Variants in SFSWAP observed in about 807,000 individuals in gnomAD.
SFSWAP encodes splicing factor, suppressor of white-apricot homolog.
SFSWAP carries 17 observed loss-of-function variants against 100.7 expected under a neutral mutation model. The observed-to-expected ratio is 0.17, with a 90% CI of 0.12 to 0.25. The LOEUF (loss-of-function observed/expected upper bound fraction) is 0.25. Among genes scored for constraint, SFSWAP ranks in the 10% least tolerant of loss-of-function variants. The probability of loss-of-function intolerance (pLI) is 1.00; values close to 1 mark genes in which losing one functional copy is unlikely to be tolerated. For missense variants in SFSWAP, 1,005 were observed against 1,262.6 expected (o/e 0.80, Z 3.09); for synonymous variants, 504 against 510.1 (o/e 0.99, Z 0.16).
intron 11 of SFSWAP, among the ~76,000 whole-genome samples, chr12:131,763,403 CT>C (rs1187454550): frequency 6.6e-6 from 1 of 152,182 alleles, no homozygotes; most frequent in African/African-American, 2.4e-5. Flanking sequence ...TTTTAAAATA[CT>C]GTATCTTATT....
chr12:131,772,661 T>C (rs1883712501), intron 13 of SFSWAP, among the ~76,000 whole-genome samples: 1 of 152,196 alleles, frequency 6.6e-6, no homozygotes, highest in African/African-American at 2.4e-5. Context: ...AATGCTCTTT[T>C]AGCTCTGCCA....
intron 9 of SFSWAP, 50 bp from the exon 10 acceptor site, chr12:131,755,336 C>A: frequency 7.7e-7 from 1 of 1,305,064 alleles, no homozygotes; most frequent in Non-Finnish European, 1.1e-6. Context: ...GTTGTTACTT[C>A]AGTGAGCTTG....
intron 11 of SFSWAP, among the ~76,000 whole-genome samples, chr12:131,758,837 C>T (rs1882410803): frequency 6.6e-6 from 1 of 152,220 alleles, no homozygotes; most frequent in East Asian, 1.9e-4. Flanking sequence ...GCACCAGCTC[C>T]TCACAGAGGC....
chr12:131,735,028 C>T (rs926835100), intron 7 of SFSWAP, among the ~76,000 whole-genome samples: 2 of 152,156 alleles, frequency 1.3e-5, no homozygotes, highest in African/African-American at 2.4e-5. Context: ...CACACAGTCA[C>T]AAAAGTGGGA....
In SFSWAP at chr12:131,753,363, G is replaced by T. The variant is rs753026017; in HGVS notation, c.1322G>T (p.Ser441Ile). The change falls in exon 8 of 18, where the codon AGT becomes ATT. Residue 441 changes from serine (S) to isoleucine (I), a missense_variant and splice_region_variant. Coordinates refer to ENST00000261674, the MANE Select transcript of SFSWAP (RefSeq NM_004592.4). ...SGATSTTTTTSALAPVAAIIP... is the reference protein window; with the variant it reads ...SGATSTTTTTIALAPVAAIIP... Reference sequence around the variant, plus strand: ...GCCACCTCCACAACCACCACCACAAGGTAGGTGCAGCGTCCACCGCTGCCT... The same window carrying T: ...GCCACCTCCACAACCACCACCACAATGTAGGTGCAGCGTCCACCGCTGCCT... The T allele has an allele frequency of 2.5e-6, 4 of 1,611,610 alleles. No individual in the cohort carries two copies. Among genetic ancestry groups the T allele is most frequent in the Non-Finnish European group, 3.4e-6 (4 of 1,178,136 alleles).
At chr12:131,762,376 A>T (rs773121712) in intron 11 of SFSWAP, among the ~76,000 whole-genome samples, 1 of 152,258 alleles carries the variant, frequency 6.6e-6, no homozygotes, top group African/African-American at 2.4e-5. Flanking sequence ...GCACCACTGC[A>T]CTGCAGCCTG....
intron 7 of SFSWAP, among the ~76,000 whole-genome samples, chr12:131,743,821 C>T (rs929943387): frequency 6.6e-6 from 1 of 152,254 alleles, no homozygotes; most frequent in African/African-American, 2.4e-5. Context: ...AAACTTCTGC[C>T]TGGGCATCCA....
intron 14 of SFSWAP, chr12:131,785,512 G>T (rs1884828673): frequency 6.5e-6 from 2 of 307,804 alleles, no homozygotes; most frequent in South Asian, 5.5e-5. Context: ...GGAAATAAAT[G>T]GTGTTTTTTT....
chr12:131,780,104 C>T (rs540499631), intron 14 of SFSWAP, among the ~76,000 whole-genome samples: 41 of 152,242 alleles, frequency 2.7e-4, no homozygotes, highest in African/African-American at 9.9e-4. Context: ...TTATTTTTAC[C>T]CTGGCCAACA....
chr12:131,745,071 C>T (rs938592937), intron 7 of SFSWAP, among the ~76,000 whole-genome samples: 1 of 152,186 alleles, frequency 6.6e-6, no homozygotes, highest in Admixed American at 6.5e-5. Context: ...GGGGACACAG[C>T]CAAACCATAC....
intron 7 of SFSWAP, among the ~76,000 whole-genome samples, chr12:131,746,294 G>T (rs182564576): frequency 1.5e-4 from 23 of 152,344 alleles, no homozygotes; most frequent in African/African-American, 5.5e-4. Context: ...GAGCTGTGCC[G>T]CCTTCCTAGC....
At chr12:131,727,644 G>GA (rs879273470) in intron 6 of SFSWAP, among the ~76,000 whole-genome samples, 23 of 151,016 alleles carry the variant, frequency 1.5e-4, no homozygotes, top group East Asian at 1.2e-3. Flanking sequence ...GACTCAAAAA[G>GA]AAAAAAAAAT....
chr12:131,756,267 C>G (rs1405580904), intron 10 of SFSWAP, among the ~76,000 whole-genome samples: 3 of 152,134 alleles, frequency 2.0e-5, no homozygotes, highest in African/African-American at 7.2e-5. Context: ...TTTTTTCAGA[C>G]AGGAGAAAAT....
intron 3 of SFSWAP, among the ~76,000 whole-genome samples, chr12:131,717,102 A>AAC (rs538367492): frequency 7.9e-5 from 12 of 151,768 alleles, no homozygotes; most frequent in Middle Eastern, 3.4e-3. Flanking sequence ...TGAAACACCT[A>AAC]ACACACACAC....
chr12:131,779,283 G>A (rs1351885927), intron 14 of SFSWAP, among the ~76,000 whole-genome samples: 6 of 151,170 alleles, frequency 4.0e-5, no homozygotes, highest in Middle Eastern at 3.5e-3. Context: ...AGAGGGCGGC[G>A]CGGGTGGGTG....
intron 7 of SFSWAP, among the ~76,000 whole-genome samples, chr12:131,741,477 A>C (rs1292739071): frequency 2.0e-5 from 3 of 151,914 alleles, no homozygotes; most frequent in African/African-American, 7.3e-5. Flanking sequence ...CTACAAAAAA[A>C]ATTAAGAAAA....
chr12:131,785,924 G>C (rs1884857160), intron 14 of SFSWAP: 3 of 153,258 alleles, frequency 2.0e-5, no homozygotes, highest in African/African-American at 7.2e-5. Context: ...TTCCAGGTAG[G>C]CCTCTAGCTT....
intron 7 of SFSWAP, among the ~76,000 whole-genome samples, chr12:131,750,293 A>G (rs540238811): frequency 5.2e-5 from 8 of 152,386 alleles, no homozygotes; most frequent in East Asian, 1.9e-4. Flanking sequence ...TGGCAGTGCC[A>G]TAGGACACGT....
chr12:131,798,365 G>T (rs139845367), intron 16 of SFSWAP, among the ~76,000 whole-genome samples: 1 of 152,096 alleles, frequency 6.6e-6, no homozygotes, highest in African/African-American at 2.4e-5. Flanking sequence ...CTGCGGGGAG[G>T]GGGTGTTGGC....
Sources: gnomAD v4.1 joint callset for allele counts (sites outside exome capture counted in the v4.1 genomes callset) on GRCh38, gnomAD v4.1.1 for gene constraint, MANE v1.5 for transcripts, NCBI Gene and HGNC (gene_info 2026-07-23, HGNC 2026-07-21) for gene names.